The following WDPCP variants were observed in gnomAD, a reference collection of about 807,000 sequenced individuals.
WDPCP encodes the protein WD repeat-containing and planar cell polarity effector protein fritz homolog.
In WDPCP, 71 loss-of-function variants were observed where a neutral mutation model predicts 93.1. The ratio of observed to expected loss-of-function variants is 0.76; its 90% confidence interval spans 0.63 to 0.93. The LOEUF (loss-of-function observed/expected upper bound fraction) is 0.93, where lower values mean the gene tolerates loss of function less well. Among genes scored for constraint, WDPCP ranks in the 40% least tolerant of loss-of-function variants. The pLI is 0.00. For missense variants in WDPCP, 844 were observed against 887.4 expected (o/e 0.95, Z 0.62); for synonymous variants, 315 against 315.0 (o/e 1.00, Z 0.00).
At chr2:63,183,785 T>C (rs1387180941) in intron 14 of WDPCP, among the ~76,000 whole-genome samples, 1 of 152,144 alleles carries the variant, frequency 6.6e-6, no homozygotes, top group African/African-American at 2.4e-5. Flanking sequence ...AATATTTGTT[T>C]TGTGACTCTG....
intron 13 of WDPCP, among the ~76,000 whole-genome samples, chr2:63,273,061 A>C (rs1682782633): frequency 6.6e-6 from 1 of 152,200 alleles, no homozygotes; most frequent in Non-Finnish European, 1.5e-5. Flanking sequence ...CTCTTTTTAC[A>C]AGACAGGAGA....
intron 2 of WDPCP, among the ~76,000 whole-genome samples, chr2:63,728,247 C>T (rs756601661): frequency 6.6e-6 from 1 of 152,198 alleles, no homozygotes; most frequent in Non-Finnish European, 1.5e-5. Context: ...TCCTGACCTA[C>T]TAAGTGTAAG....
intron 14 of WDPCP, chr2:63,232,548 T>C (rs928106873): frequency 2.6e-5 from 4 of 152,448 alleles, no homozygotes; most frequent in African/African-American, 4.8e-5. Context: ...CTTGAAGTTA[T>C]TGAACTAGAA....
At chr2:63,237,683 G>A (rs760537046) in intron 14 of WDPCP, among the ~76,000 whole-genome samples, 3 of 152,152 alleles carry the variant, frequency 2.0e-5, no homozygotes, top group Non-Finnish European at 4.4e-5. Flanking sequence ...GCAGCAACAT[G>A]GATGCAACTG....
chr2:63,179,199 C>T (rs1256905489), intron 14 of WDPCP, among the ~76,000 whole-genome samples: 3 of 110,990 alleles, frequency 2.7e-5, no homozygotes, highest in Admixed American at 9.3e-5. Flanking sequence ...GACCCTGTCT[C>T]GGGGGGAAAA....
intron 2 of WDPCP, among the ~76,000 whole-genome samples, chr2:63,674,696 T>G (rs1318850964): frequency 6.8e-6 from 1 of 146,100 alleles, no homozygotes; most frequent in Non-Finnish European, 1.5e-5. Context: ...GCAGATCTCA[T>G]GTTAAGTGTT....
In WDPCP at chr2:63,486,923, A is replaced by G. The variant is rs1700607318; in HGVS notation, c.209-337T>C. ...AGTCTGTCATCAGAACCATGAAGTC[A>G]GCCTATTAACCACTAAGCTAAGCAC... On this transcript the variant is annotated intron_variant, in intron 3 of 17. Transcript: ENST00000272321. 2.6e-5 allele frequency among the ~76,000 whole-genome samples: 4 copies of G among 152,138 alleles called. No individual in the cohort carries two copies. In the South Asian group the frequency reaches 8.3e-4, roughly 32 times the overall value.
chr2:63,781,502 A>G (rs940661315), intron 2 of WDPCP, among the ~76,000 whole-genome samples: 5 of 152,120 alleles, frequency 3.3e-5, no homozygotes, highest in African/African-American at 1.2e-4. Context: ...ATTCAGCATC[A>G]TTTATTGAGT....
intron 1 of WDPCP, among the ~76,000 whole-genome samples, chr2:63,815,082 A>G (rs1056518464): frequency 6.6e-6 from 1 of 152,220 alleles, no homozygotes; most frequent in Non-Finnish European, 1.5e-5. Context: ...AAAGCACATT[A>G]CATAATTCTG....
At chr2:63,716,842 T>G (rs1027072487) in intron 2 of WDPCP, among the ~76,000 whole-genome samples, 8 of 152,180 alleles carry the variant, frequency 5.3e-5, no homozygotes, top group African/African-American at 1.7e-4. Context: ...AAGGATTGAG[T>G]GAGGCAAAGA....
intron 3 of WDPCP, among the ~76,000 whole-genome samples, chr2:63,618,580 A>G (rs1448835877): frequency 1.3e-5 from 2 of 152,034 alleles, no homozygotes; most frequent in Non-Finnish European, 2.9e-5. Context: ...AACACTCTTG[A>G]GCTCTAGTTG....
At chr2:63,570,634 T>C (rs1031970062) in intron 1 of WDPCP, among the ~76,000 whole-genome samples, 1 of 152,216 alleles carries the variant, frequency 6.6e-6, no homozygotes, top group Non-Finnish European at 1.5e-5. Flanking sequence ...GAAATTGAAG[T>C]GTATATATTA....
At chr2:63,229,347 G>A (rs367687958) in intron 14 of WDPCP, 1 of 152,152 alleles carries the variant, frequency 6.6e-6, no homozygotes, top group African/African-American at 2.4e-5. Flanking sequence ...TTTGTCAGAT[G>A]AGTAGGTTGC....
At chr2:63,819,430 T>G (rs1271306604) in intron 1 of WDPCP, among the ~76,000 whole-genome samples, 1 of 152,080 alleles carries the variant, frequency 6.6e-6, no homozygotes, top group African/African-American at 2.4e-5. Flanking sequence ...TGGCTTGGGT[T>G]TCCCTAATAG....
intron 14 of WDPCP, among the ~76,000 whole-genome samples, chr2:63,186,881 A>G (rs1355107194): frequency 5.4e-5 from 8 of 146,864 alleles, no homozygotes; most frequent in South Asian, 2.2e-4. Context: ...GCCTTGGGGG[A>G]AAAAAAAGAG....
intron 1 of WDPCP, among the ~76,000 whole-genome samples, chr2:63,574,903 C>T (rs925751294): frequency 1.3e-5 from 2 of 151,986 alleles, no homozygotes; most frequent in African/African-American, 4.8e-5. Flanking sequence ...ATCAGTTTTG[C>T]CAGTTTTGCA....
At chr2:63,532,158 G>C (rs1299234752) in intron 1 of WDPCP, among the ~76,000 whole-genome samples, 1 of 152,020 alleles carries the variant, frequency 6.6e-6, no homozygotes, top group Non-Finnish European at 1.5e-5. Flanking sequence ...GAGAAGTTGA[G>C]AGAAAAAAGA....
intron 12 of WDPCP, among the ~76,000 whole-genome samples, chr2:63,338,023 T>A (rs908988810): frequency 2.6e-5 from 4 of 152,172 alleles, no homozygotes; most frequent in African/African-American, 7.2e-5. Flanking sequence ...TTTGTCTATT[T>A]TTGTTTTGGT....
chr2:63,411,984 A>C (rs928108687), intron 9 of WDPCP, among the ~76,000 whole-genome samples: 1 of 152,074 alleles, frequency 6.6e-6, no homozygotes, highest in Admixed American at 6.6e-5. Context: ...TTTTGATACT[A>C]CTCCACAAGA....
Sources: allele counts gnomAD v4.1 joint callset (sites outside exome capture counted in the v4.1 genomes callset), GRCh38; gene constraint gnomAD v4.1.1; transcripts MANE v1.5; gene names NCBI Gene and HGNC (gene_info 2026-07-23, HGNC 2026-07-21).